IGFBP5: variants seen among roughly 807,000 people sequenced by gnomAD.
IGFBP5 encodes insulin like growth factor binding protein 5, also known as insulin-like growth factor-binding protein 5.
In IGFBP5, 12 loss-of-function variants were observed where a neutral mutation model predicts 28.0. The ratio of observed to expected loss-of-function variants is 0.43; its 90% CI spans 0.27 to 0.69. IGFBP5 has a LOEUF of 0.69. Among genes scored for constraint, IGFBP5 ranks in the 30% least tolerant of loss-of-function variants. The pLI is 0.20. For missense variants in IGFBP5, 344 were observed against 381.6 expected, an observed-to-expected ratio of 0.90 and a Z score of 0.82; for synonymous variants, 152 against 150.2, an observed-to-expected ratio of 1.01 and a Z score of -0.09.
intron 1 of IGFBP5, among the ~76,000 whole-genome samples, chr2:216,689,642 G>A (rs1306276203): frequency 2.0e-5 from 3 of 152,356 alleles, no homozygotes; most frequent in East Asian, 1.9e-4. Flanking sequence ...GAGCCCCTGC[G>A]GGAAAGAGCT....
rs1277578252 is a variant in IGFBP5 at position 216,679,379 on chromosome 2, T to C, written c.338-300A>G. On this transcript the variant is annotated intron_variant, in intron 1 of 3. Transcript: ENST00000233813. This position sits in a 1 kb window ranked among gnomAD's most constrained non-coding sequence, Gnocchi z 4.6. ...TGATGGGTGAGGACGGAGCAGGCCTTCTGGGGGCAGTAAGGAGGAAGGGCA... is the reference window on the plus strand; with the variant it reads ...TGATGGGTGAGGACGGAGCAGGCCTCCTGGGGGCAGTAAGGAGGAAGGGCA... Among the ~76,000 whole-genome samples the C allele has an allele frequency of 2.0e-5, 3 of 152,082 alleles. No homozygotes were observed. Among genetic ancestry groups the C allele is most frequent in the African/African-American group, 4.8e-5 (2 of 41,482 alleles).
chr2:216,694,731 C>G lies in IGFBP5; in HGVS notation c.45G>C (p.Ala15=), dbSNP rs764132504. The part of the protein sequence containing the change: ...TAVLLLLAAY[A]GPAQSLGSFV... ...AGGAGCCCAGGCTCTGGGCCGGCCC[C>G]GCATAGGCGGCCAGCAGCAGGAGGA... Residue 15 remains alanine (A), a synonymous_variant, in exon 1 of 4, where the codon GCG becomes GCC. Coordinates refer to ENST00000233813, the MANE Select transcript of IGFBP5 (RefSeq NM_000599.4). This position sits in a 1 kb window ranked among gnomAD's most constrained non-coding sequence, Gnocchi z 5.2. The G allele has an allele frequency of 6.9e-7, 1 of 1,451,404 alleles. No homozygotes were observed. The highest frequency in any genetic ancestry group is 2.7e-5 in the East Asian group (1 of 37,662). The allele number at this position is 1,451,404 out of a possible 1,614,324, so 89.9% of individuals were successfully genotyped here.
rs1688839451 is a variant in IGFBP5 at position 216,672,320 on chromosome 2, G to GTTT, written c.*4430_*4431insAAA. The GTTT allele has an allele frequency of 9.3e-6, 1 of 108,026 alleles. No homozygotes were observed. Among genetic ancestry groups the GTTT allele is most frequent in the Non-Finnish European group, 1.9e-5 (1 of 53,662 alleles). The allele number at this position is 108,026 out of a possible 1,614,324, so 6.7% of individuals were successfully genotyped here. A position where few individuals can be genotyped will look rare whatever the true frequency, so the allele number is the denominator to read the frequency against. On this transcript the variant is annotated 3_prime_UTR_variant, in exon 4 of 4. Coordinates refer to ENST00000233813, the MANE Select transcript of IGFBP5 (RefSeq NM_000599.4). ...TTCAGGTGTTTTTTTTTTTTTTTTC[G>GTTT]GCTTTTTTTTTTTTTTCTCACAAAC...
In IGFBP5 at chr2:216,673,876, G is replaced by C. The variant is rs570374288; in HGVS notation, c.*2875C>G. ...GTGTCCATGAAGGCCCAGCTTCTCT[G>C]GGGAGTGACCAGCTGCCCAGGAGAA... On this transcript the variant is annotated 3_prime_UTR_variant, in exon 4 of 4. Transcript: ENST00000233813. The surrounding 1 kb of genome is among the most constrained non-coding windows in gnomAD (Gnocchi z 4.3). 5 of 152,630 alleles carry C rather than the reference G, an allele frequency of 3.3e-5. 1 individual carries two copies. The South Asian group carries it at 1.0e-3, about 32-fold the overall frequency. 9.5% of individuals were successfully genotyped at this position (152,630 alleles called of 1,614,324 possible). A position where few individuals can be genotyped will look rare whatever the true frequency, so the allele number is the denominator to read the frequency against.
intron 1 of IGFBP5, among the ~76,000 whole-genome samples, chr2:216,688,089 G>A (rs978093479): frequency 1.1e-4 from 16 of 152,002 alleles, no homozygotes; most frequent in Admixed American, 2.0e-4. Context: ...AATGTGGCCC[G>A]GGGAACTGAG....
At chr2:216,685,326 T>C (rs369085150) in intron 1 of IGFBP5, among the ~76,000 whole-genome samples, 2 of 151,830 alleles carry the variant, frequency 1.3e-5, no homozygotes, top group Non-Finnish European at 2.9e-5. Flanking sequence ...AATGTGGCTA[T>C]TTAAATAAAT....
At chr2:216,688,431 A>G (rs1448600477) in intron 1 of IGFBP5, among the ~76,000 whole-genome samples, 2 of 152,246 alleles carry the variant, frequency 1.3e-5, no homozygotes, top group Non-Finnish European at 2.9e-5. Flanking sequence ...TATTCAGTTA[A>G]AATGTATTAT....
In IGFBP5 at chr2:216,678,921, C is replaced by T. The variant is rs1334757513; in HGVS notation, c.496G>A (p.Val166Ile). The change falls in exon 2 of 4, where the codon GTC (valine) becomes ATC (isoleucine). Residue 166 changes from valine (V) to isoleucine (I), a missense_variant. By Grantham distance (29) the Val-to-Ile change is conservative. Transcript: ENST00000233813. ...RRKKLTQSKF[V>I]GGAENTAHPR... Reference sequence around the variant, plus strand: ...TGGGCAGTGTTCTCGGCTCCCCCGACAAACTTGGACTGGGTCAGCTTCTTT... The same window carrying T: ...TGGGCAGTGTTCTCGGCTCCCCCGATAAACTTGGACTGGGTCAGCTTCTTT... The T allele has an allele frequency of 1.9e-6, 3 of 1,614,124 alleles. No homozygotes were observed. The highest frequency in any genetic ancestry group is 4.5e-5 in the East Asian group (2 of 44,888).
chr2:216,695,261 G>C lies in IGFBP5; in HGVS notation c.-486C>G, dbSNP rs1489289869. On this transcript the variant is annotated 5_prime_UTR_variant, in exon 1 of 4. Transcript: ENST00000233813. ...AACCCTCAGCTGCCAGCGGTGCGCG[G>C]CGCCGCAGAACAGGTAAGAGGCGTT... The C allele has an allele frequency of 2.0e-5, 3 of 152,628 alleles. No homozygotes were observed. The highest frequency in any genetic ancestry group is 4.4e-5 in the Non-Finnish European group (3 of 68,360). The allele number at this position is 152,628 out of a possible 1,614,324, so 9.5% of individuals were successfully genotyped here.
At chr2:216,682,894 G>C (rs1484951734) in intron 1 of IGFBP5, among the ~76,000 whole-genome samples, 2 of 152,014 alleles carry the variant, frequency 1.3e-5, no homozygotes, top group Admixed American at 6.5e-5. Flanking sequence ...ATTTTTAGTA[G>C]AGATGGGGTT....
At chr2:216,681,310 G>A (rs946700988) in intron 1 of IGFBP5, among the ~76,000 whole-genome samples, 1 of 152,142 alleles carries the variant, frequency 6.6e-6, no homozygotes, top group South Asian at 2.1e-4. Flanking sequence ...ACAGGATATG[G>A]TGGCTACTGA....
chr2:216,693,567 C>T (rs1462343079), intron 1 of IGFBP5, among the ~76,000 whole-genome samples: 1 of 151,886 alleles, frequency 6.6e-6, no homozygotes, highest in Non-Finnish European at 1.5e-5. Flanking sequence ...GCCTCCCAGC[C>T]CTATGTCCAC....
In IGFBP5 at chr2:216,679,287, T is replaced by C; in HGVS notation, c.338-208A>G. 1.6e-6 allele frequency: 1 copy of C among 611,138 alleles called. No homozygotes were observed. Among genetic ancestry groups the C allele is most frequent in the Non-Finnish European group, 3.0e-6 (1 of 335,476 alleles). The allele number at this position is 611,138 out of a possible 1,614,324, so 37.9% of individuals were successfully genotyped here. On this transcript the variant is annotated intron_variant, in intron 1 of 3. Coordinates refer to ENST00000233813, the MANE Select transcript of IGFBP5 (RefSeq NM_000599.4). This position sits in a 1 kb window ranked among gnomAD's most constrained non-coding sequence, Gnocchi z 4.6. ...AAGTGGCAGGAAGTTTCTGGCATGC[T>C]TGGAGTCAAGCAGAGAGTGCAGGCA...
chr2:216,684,318 G>A (rs1304866149), intron 1 of IGFBP5, among the ~76,000 whole-genome samples: 3 of 152,036 alleles, frequency 2.0e-5, no homozygotes, highest in African/African-American at 7.2e-5. Flanking sequence ...CCCCGCCCCC[G>A]GACCTCTTAG....
At position 216,694,855 on chromosome 2, in the gene IGFBP5, G is replaced by A; in HGVS notation, c.-80C>T. 2.0e-6 allele frequency: 2 copies of A among 1,012,918 alleles called. No homozygotes were observed. Among genetic ancestry groups the A allele is most frequent in the South Asian group, 3.7e-5 (1 of 26,776 alleles). 62.7% of individuals were successfully genotyped at this position (1,012,918 alleles called of 1,614,324 possible). ...GGATAAAGGGGCCAAGAGGGCCCCC[G>A]GAGATTTTTTTGTTTTTGTTTTTGT... On this transcript the variant is annotated 5_prime_UTR_variant, in exon 1 of 4. Coordinates refer to ENST00000233813, the MANE Select transcript of IGFBP5 (RefSeq NM_000599.4). The surrounding 1 kb of genome is among the most constrained non-coding windows in gnomAD (Gnocchi z 5.2).
intron 3 of IGFBP5, among the ~76,000 whole-genome samples, chr2:216,677,357 G>C (rs1448651668): frequency 6.6e-6 from 1 of 152,106 alleles, no homozygotes; most frequent in Non-Finnish European, 1.5e-5. Flanking sequence ...ACAGAAGGAG[G>C]CATGATTTGT....
chr2:216,678,246 G>T lies in IGFBP5; in HGVS notation c.568-15C>A, dbSNP rs531735760. ...CGGCAGGGGCCCTGTGTGGACAGGAGGGTGAGAGGCGTGGCGAGACCAAGG... is the reference window on the plus strand; with the variant it reads ...CGGCAGGGGCCCTGTGTGGACAGGATGGTGAGAGGCGTGGCGAGACCAAGG... On this transcript the variant is annotated splice_polypyrimidine_tract_variant and intron_variant, in intron 2 of 3. Transcript: ENST00000233813. 3 of 1,528,226 alleles carry T rather than the reference G, an allele frequency of 2.0e-6. No homozygotes were observed. Among genetic ancestry groups the T allele is most frequent in the African/African-American group, 2.8e-5 (2 of 72,310 alleles). The allele number at this position is 1,528,226 out of a possible 1,614,324, so 94.7% of individuals were successfully genotyped here.
chr2:216,677,887 G>A (rs538438372), intron 3 of IGFBP5, among the ~76,000 whole-genome samples: 1 of 152,360 alleles, frequency 6.6e-6, no homozygotes, highest in South Asian at 2.1e-4. Flanking sequence ...AAGGCGACCT[G>A]TGGAAAGCAT....
intron 1 of IGFBP5, among the ~76,000 whole-genome samples, chr2:216,691,181 T>C (rs1689090915): frequency 6.6e-6 from 1 of 152,220 alleles, no homozygotes; most frequent in Non-Finnish European, 1.5e-5. Flanking sequence ...GCCAAACCCC[T>C]CAAAGAAGCA....
Sources: allele counts gnomAD v4.1 joint callset (sites outside exome capture counted in the v4.1 genomes callset), GRCh38; gene constraint gnomAD v4.1.1; non-coding constraint Gnocchi (gnomAD v3.1); transcripts MANE v1.5; gene names NCBI Gene and HGNC (gene_info 2026-07-23, HGNC 2026-07-21).